The following NALF1 variants were observed in gnomAD, a reference collection of about 807,000 sequenced individuals.
NALF1 encodes the protein family with sequence similarity 155 member A.
In NALF1, 3 loss-of-function variants were observed where a neutral mutation model predicts 48.4. That is an observed-to-expected ratio of 0.06 (90% CI 0.03 to 0.16). NALF1 has a LOEUF of 0.16. Ranked by LOEUF, NALF1 falls within the 10% of genes least tolerant of loss-of-function variation. The probability of loss-of-function intolerance (pLI) is 1.00; values close to 1 mark genes in which losing one functional copy is unlikely to be tolerated. For missense variants in NALF1, 526 were observed against 571.5 expected (o/e 0.92, Z 0.81); for synonymous variants, 262 against 245.7 (o/e 1.07, Z -0.62).
chr13:107,403,573 A>G (rs73590797), intron 1 of NALF1, among the ~76,000 whole-genome samples: 13,640 of 151,964 alleles, frequency 0.09, 761 homozygotes, highest in African/African-American at 0.16. Flanking sequence ...TTCATAGTTT[A>G]CATGATATGT....
intron 2 of NALF1, among the ~76,000 whole-genome samples, chr13:107,200,860 AG>A (rs1048887703): frequency 6.6e-6 from 1 of 152,200 alleles, no homozygotes; most frequent in Non-Finnish European, 1.5e-5. Flanking sequence ...CAACTGCTGT[AG>A]TCCCGGTGAC....
chr13:107,861,511 G>A (rs747639230), intron 1 of NALF1, among the ~76,000 whole-genome samples: 1 of 152,164 alleles, frequency 6.6e-6, no homozygotes, highest in African/African-American at 2.4e-5. Flanking sequence ...TTGGCCAGGC[G>A]CTGTGGCTCA....
chr13:107,603,112 C>G (rs1023623054), intron 1 of NALF1, among the ~76,000 whole-genome samples: 2 of 152,036 alleles, frequency 1.3e-5, no homozygotes, highest in Non-Finnish European at 2.9e-5. Context: ...TAAAGCAATG[C>G]TAAAATTAAC....
chr13:107,287,886 T>A (rs966668706), intron 1 of NALF1, among the ~76,000 whole-genome samples: 1 of 151,666 alleles, frequency 6.6e-6, no homozygotes, highest in South Asian at 2.1e-4. Context: ...TTTGTATTTT[T>A]AGTAGAGATG....
intron 1 of NALF1, among the ~76,000 whole-genome samples, chr13:107,766,704 T>C (rs544801455): frequency 6.6e-6 from 1 of 152,306 alleles, no homozygotes; most frequent in South Asian, 2.1e-4. Context: ...GCAAATTCAA[T>C]TGAAAATAGA....
chr13:107,618,265 T>C (rs1462257655), intron 1 of NALF1, among the ~76,000 whole-genome samples: 2 of 152,074 alleles, frequency 1.3e-5, no homozygotes, highest in Non-Finnish European at 2.9e-5. Flanking sequence ...GTAAAGGAAA[T>C]TGCAAACAGG....
At chr13:107,179,985 C>T (rs1052194818) in intron 2 of NALF1, among the ~76,000 whole-genome samples, 1 of 146,238 alleles carries the variant, frequency 6.8e-6, no homozygotes, top group Non-Finnish European at 1.5e-5. Context: ...TAATGAATTC[C>T]ATGTACAAAG....
At chr13:107,333,746 G>A (rs927018722) in intron 1 of NALF1, among the ~76,000 whole-genome samples, 2 of 152,214 alleles carry the variant, frequency 1.3e-5, no homozygotes, top group African/African-American at 4.8e-5. Context: ...CAATCCCAAA[G>A]CAAGTGAAAG....
chr13:107,861,208 TA>T, intron 1 of NALF1, among the ~76,000 whole-genome samples: 1 of 152,292 alleles, frequency 6.6e-6, no homozygotes, highest in East Asian at 1.9e-4. Flanking sequence ...ATAGCTTTAC[TA>T]ATGGTTAAAG....
chr13:107,297,003 T>C (rs766123207), intron 1 of NALF1, among the ~76,000 whole-genome samples: 10 of 150,618 alleles, frequency 6.6e-5, no homozygotes, highest in South Asian at 2.1e-4. Context: ...CAGACCTACA[T>C]AGATTAGAGT....
intron 1 of NALF1, among the ~76,000 whole-genome samples, chr13:107,575,815 T>C (rs1878123487): frequency 6.6e-6 from 1 of 152,154 alleles, no homozygotes; most frequent in African/African-American, 2.4e-5. Flanking sequence ...AACATAAGCC[T>C]TGGAGTCCGG....
intron 1 of NALF1, among the ~76,000 whole-genome samples, chr13:107,461,629 A>G (rs891395731): frequency 6.6e-6 from 1 of 152,204 alleles, no homozygotes; most frequent in Non-Finnish European, 1.5e-5. Flanking sequence ...CAAGTTTTCA[A>G]AACTTTTTTT....
Position 107,866,049 on chromosome 13 carries a change from G to T in NALF1, c.548C>A (p.Thr183Lys). ...PQGASSGQCF[T>K]VENADAVCAR... ...GCACACCGCGTCCGCATTCTCCACC[G>T]TGAAGCACTGGCCCGAGGACGCGCC... The change falls in exon 1 of 3, where the codon ACG (threonine) becomes AAG (lysine). Residue 183 changes from threonine to lysine, a missense_variant. Thr to Lys is a moderately conservative substitution (Grantham distance 78). Transcript: ENST00000375915. The surrounding 1 kb of genome is among the most constrained non-coding windows in gnomAD (Gnocchi z 4.4). 1 of 1,612,610 alleles carries T rather than the reference G, an allele frequency of 6.2e-7. No individual in the cohort carries two copies. The highest frequency in any genetic ancestry group is 8.5e-7 in the Non-Finnish European group (1 of 1,179,970).
intron 1 of NALF1, among the ~76,000 whole-genome samples, chr13:107,335,236 G>A: frequency 6.6e-6 from 1 of 152,128 alleles, no homozygotes; most frequent in East Asian, 1.9e-4. Context: ...TCTTAAATCT[G>A]CTGGAAGTTA....
chr13:107,409,861 C>T (rs1408096130), intron 1 of NALF1, among the ~76,000 whole-genome samples: 1 of 152,150 alleles, frequency 6.6e-6, no homozygotes, highest in East Asian at 1.9e-4. Flanking sequence ...TACCCTTGCC[C>T]TCATCTCTTG....
chr13:107,725,427 G>T (rs914816946), intron 1 of NALF1, among the ~76,000 whole-genome samples: 1 of 152,242 alleles, frequency 6.6e-6, no homozygotes, highest in South Asian at 2.1e-4. Context: ...GTGAAGTAGG[G>T]CTGGGCGCAG....
intron 1 of NALF1, among the ~76,000 whole-genome samples, chr13:107,500,976 T>C (rs1350041446): frequency 6.6e-6 from 1 of 151,688 alleles, no homozygotes; most frequent in Admixed American, 6.6e-5. Context: ...TGGGGAGGGA[T>C]AGCTTTAGGA....
chr13:107,261,693 T>C (rs571398085), intron 1 of NALF1, among the ~76,000 whole-genome samples: 2 of 152,186 alleles, frequency 1.3e-5, no homozygotes, highest in Non-Finnish European at 2.9e-5. Context: ...CCAACACATA[T>C]TGAAGTCACA....
chr13:107,267,879 G>A (rs1252932277), intron 1 of NALF1, among the ~76,000 whole-genome samples: 1 of 152,076 alleles, frequency 6.6e-6, no homozygotes, highest in Non-Finnish European at 1.5e-5. Flanking sequence ...CGGACAAAGG[G>A]AGGATTCACG....
Sources: allele counts gnomAD v4.1 joint callset (sites outside exome capture counted in the v4.1 genomes callset), GRCh38; gene constraint gnomAD v4.1.1; non-coding constraint Gnocchi (gnomAD v3.1); transcripts MANE v1.5; gene names NCBI Gene and HGNC (gene_info 2026-07-23, HGNC 2026-07-21).